The following SLC9A9 variants were observed in gnomAD, a reference collection of about 807,000 sequenced individuals.
The protein encoded by SLC9A9 is sodium/hydrogen exchanger 9.
A neutral mutation model predicts 77.8 loss-of-function variants in SLC9A9; 62 were observed. The ratio of observed to expected loss-of-function variants is 0.80; its 90% CI spans 0.65 to 0.98. SLC9A9 has a LOEUF of 0.98. Among genes scored for constraint, SLC9A9 ranks in the 50% least tolerant of loss-of-function variants. SLC9A9 has a pLI of 0.00. For synonymous variants in SLC9A9, 320 were observed against 283.5 expected (o/e 1.13, Z -1.29); for missense variants, 775 against 774.9 (o/e 1.00, Z 0.00).
chr3:143,815,815 G>A (rs533691328), intron 2 of SLC9A9, among the ~76,000 whole-genome samples: 30 of 152,198 alleles, frequency 2.0e-4, no homozygotes, highest in Admixed American at 1.2e-3. Context: ...ACAGTGAGCC[G>A]GGATCGTGCC....
At chr3:143,777,079 T>C (rs1413300174) in intron 4 of SLC9A9, among the ~76,000 whole-genome samples, 1 of 152,174 alleles carries the variant, frequency 6.6e-6, no homozygotes, top group Non-Finnish European at 1.5e-5. Context: ...GGGCATTTTG[T>C]GGCCTCTTCT....
chr3:143,682,042 G>A (rs1296233117), intron 5 of SLC9A9, among the ~76,000 whole-genome samples: 1 of 152,094 alleles, frequency 6.6e-6, no homozygotes, highest in Non-Finnish European at 1.5e-5. Context: ...TTTGAAACTG[G>A]TATCTAGAGG....
At chr3:143,334,668 A>G (rs543078463) in intron 14 of SLC9A9, among the ~76,000 whole-genome samples, 2 of 152,370 alleles carry the variant, frequency 1.3e-5, no homozygotes, top group Non-Finnish European at 2.9e-5. Context: ...ATAAAGGCTC[A>G]GTAATAATAT....
At chr3:143,766,354 T>G (rs1377963683) in intron 4 of SLC9A9, among the ~76,000 whole-genome samples, 2 of 152,150 alleles carry the variant, frequency 1.3e-5, no homozygotes, top group African/African-American at 4.8e-5. Context: ...GGATGTAAAG[T>G]CAGACAACAA....
At chr3:143,775,934 A>G (rs1238355977) in intron 4 of SLC9A9, among the ~76,000 whole-genome samples, 1 of 152,200 alleles carries the variant, frequency 6.6e-6, no homozygotes, top group African/African-American at 2.4e-5. Context: ...CACCGTTAAA[A>G]TCTAGCTTCA....
At chr3:143,724,889 G>A (rs1934595620) in intron 4 of SLC9A9, among the ~76,000 whole-genome samples, 1 of 152,062 alleles carries the variant, frequency 6.6e-6, no homozygotes, top group Non-Finnish European at 1.5e-5. Context: ...TGCCAGGAGA[G>A]CCTTTCAGTG....
intron 14 of SLC9A9, among the ~76,000 whole-genome samples, chr3:143,323,461 C>T (rs1251485554): frequency 6.6e-6 from 1 of 152,060 alleles, no homozygotes; most frequent in Admixed American, 6.6e-5. Flanking sequence ...GTGGAATAAG[C>T]CAGCCACAGA....
intron 4 of SLC9A9, among the ~76,000 whole-genome samples, chr3:143,748,233 T>C (rs939096351): frequency 6.6e-6 from 1 of 152,212 alleles, no homozygotes; most frequent in African/African-American, 2.4e-5. Context: ...GCCCATGATA[T>C]GCGGGCTCTG....
At chr3:143,806,993 T>C (rs899705713) in intron 2 of SLC9A9, among the ~76,000 whole-genome samples, 4 of 152,220 alleles carry the variant, frequency 2.6e-5, no homozygotes, top group Admixed American at 6.5e-5. Flanking sequence ...GTTTGGGCAT[T>C]GTCAGAACCT....
chr3:143,493,828 G>T, intron 10 of SLC9A9, 64 bp from the exon 11 acceptor site: 1 of 1,190,966 alleles, frequency 8.4e-7, no homozygotes. Flanking sequence ...GAATCCTTGA[G>T]CTTAAATATT....
At chr3:143,773,669 A>G (rs2007600882) in intron 4 of SLC9A9, among the ~76,000 whole-genome samples, 1 of 152,090 alleles carries the variant, frequency 6.6e-6, no homozygotes, top group Non-Finnish European at 1.5e-5. Flanking sequence ...TGTTTAGTAG[A>G]GACGGGGTTT....
intron 2 of SLC9A9, among the ~76,000 whole-genome samples, chr3:143,799,890 C>T (rs989101253): frequency 9.9e-5 from 15 of 152,214 alleles, no homozygotes; most frequent in Non-Finnish European, 1.6e-4. Context: ...ACATTATCTT[C>T]TTTTCAAGGG....
chr3:143,269,344 G>C (rs142912375), intron 14 of SLC9A9, among the ~76,000 whole-genome samples: 279 of 152,238 alleles, frequency 1.8e-3, no homozygotes, highest in African/African-American at 6.2e-3. Context: ...GTACACACGC[G>C]TAGCTTAAAC....
At chr3:143,532,611 GA>G (rs951178729) in intron 9 of SLC9A9, among the ~76,000 whole-genome samples, 5 of 151,936 alleles carry the variant, frequency 3.3e-5, no homozygotes, top group African/African-American at 4.8e-5. Context: ...ATATAAAAAG[GA>G]AAAAAACCCT....
chr3:143,748,842 T>C (rs897184272), intron 4 of SLC9A9, among the ~76,000 whole-genome samples: 74 of 151,804 alleles, frequency 4.9e-4, no homozygotes, highest in Non-Finnish European at 5.9e-4. Flanking sequence ...TAGCTGGGAC[T>C]ACAGGCGCCC....
chr3:143,846,148 A>G (rs903118605), intron 1 of SLC9A9, among the ~76,000 whole-genome samples: 3 of 152,248 alleles, frequency 2.0e-5, no homozygotes, highest in Non-Finnish European at 4.4e-5. Context: ...AATGCAAAAC[A>G]TGACTGAATT....
chr3:143,327,741 C>T (rs1054159870), intron 14 of SLC9A9, among the ~76,000 whole-genome samples: 3 of 152,172 alleles, frequency 2.0e-5, no homozygotes, highest in Non-Finnish European at 4.4e-5. Flanking sequence ...GATTAACAGA[C>T]ATTCTGACTT....
At chr3:143,369,331 C>T (rs1244991357) in intron 13 of SLC9A9, among the ~76,000 whole-genome samples, 1 of 151,960 alleles carries the variant, frequency 6.6e-6, no homozygotes, top group Non-Finnish European at 1.5e-5. Flanking sequence ...ATTGTGGTTA[C>T]CAGAGGCTGG....
intron 12 of SLC9A9, among the ~76,000 whole-genome samples, chr3:143,460,105 T>G (rs183992558): frequency 3.3e-5 from 5 of 152,322 alleles, no homozygotes; most frequent in African/African-American, 1.2e-4. Context: ...CTCTTGTAGC[T>G]TTCTCTCTCT....
Sources: allele counts gnomAD v4.1 joint callset (sites outside exome capture counted in the v4.1 genomes callset), GRCh38; gene constraint gnomAD v4.1.1; transcripts MANE v1.5; gene names NCBI Gene and HGNC (gene_info 2026-07-23, HGNC 2026-07-21).